Variants in CRADD observed in about 807,000 individuals in gnomAD.
CRADD encodes death domain-containing protein CRADD.
Under a neutral mutation model 15.5 loss-of-function variants are expected in CRADD, and 9 were observed. The observed-to-expected ratio is 0.58, with a 90% confidence interval of 0.35 to 1.01. The LOEUF is 1.01. CRADD is among the 50% of genes least tolerant of loss of function. The pLI is 0.02. For missense variants in CRADD, 227 were observed against 250.3 expected (o/e 0.91, Z 0.63); for synonymous variants, 118 against 107.6 (o/e 1.10, Z -0.60).
intron 2 of CRADD, among the ~76,000 whole-genome samples, chr12:93,886,408 G>A (rs962745875): frequency 2.6e-5 from 4 of 152,060 alleles, no homozygotes; most frequent in African/African-American, 9.7e-5. Context: ...CGATCTGTCC[G>A]CCTTGGCCTG....
intron 2 of CRADD, among the ~76,000 whole-genome samples, chr12:93,818,582 A>G (rs1957735110): frequency 6.6e-6 from 1 of 152,144 alleles, no homozygotes; most frequent in African/African-American, 2.4e-5. Context: ...GGAGTGATAG[A>G]GGCCAGTTGG....
In CRADD at chr12:93,850,100, G is replaced by A. The variant is rs200632197; in HGVS notation, c.429G>A (p.Thr143=). The change falls in exon 3 of 3, where the codon ACG becomes ACA. Residue 143 remains threonine, a synonymous_variant. Transcript: ENST00000332896. The surrounding 1 kb of genome is among the most constrained non-coding windows in gnomAD (Gnocchi z 4.0). The part of the protein sequence containing the change: ...PMVLSLGLSQ[T]DIYRCKANHP... Reference sequence around the variant, plus strand: ...TGCTGTCTCTGGGACTGTCCCAGACGGATATCTACCGCTGTAAGGCCAACC... The same window carrying A: ...TGCTGTCTCTGGGACTGTCCCAGACAGATATCTACCGCTGTAAGGCCAACC... 77 of 1,613,860 alleles carry A rather than the reference G, an allele frequency of 4.8e-5. No homozygotes were observed. The Admixed American group carries it at 6.7e-4, about 14-fold the overall frequency.
Position 93,850,341 on chromosome 12 carries a change from A to G in CRADD, c.*70A>G. ...GGGCTGAATCCTGACTTTCACTCAGAGCAGGTGGTTTTTTGTGTAGGTTTG... is the reference window on the plus strand; with the variant it reads ...GGGCTGAATCCTGACTTTCACTCAGGGCAGGTGGTTTTTTGTGTAGGTTTG... On this transcript the variant is annotated 3_prime_UTR_variant, in exon 3 of 3. Transcript: ENST00000332896. This position sits in a 1 kb window ranked among gnomAD's most constrained non-coding sequence, Gnocchi z 4.0. 4 of 1,502,304 alleles carry G rather than the reference A, an allele frequency of 2.7e-6. No individual in the cohort carries two copies. Among genetic ancestry groups the G allele is most frequent in the Non-Finnish European group, 3.5e-6 (4 of 1,130,746 alleles). 93.1% of individuals were successfully genotyped at this position (1,502,304 alleles called of 1,614,324 possible).
chr12:93,807,083 A>G (rs1957547945), intron 2 of CRADD, among the ~76,000 whole-genome samples: 1 of 152,140 alleles, frequency 6.6e-6, no homozygotes, highest in Non-Finnish European at 1.5e-5. Context: ...TTAAGATTTG[A>G]GATATGAGTG....
intron 2 of CRADD, among the ~76,000 whole-genome samples, chr12:93,819,469 A>G (rs979487042): frequency 1.3e-5 from 2 of 152,258 alleles, no homozygotes; most frequent in Non-Finnish European, 2.9e-5. Flanking sequence ...ATGACTCAGA[A>G]GCCAGATTAC....
intron 2 of CRADD, among the ~76,000 whole-genome samples, chr12:93,713,423 G>T (rs537053322): frequency 6.6e-6 from 1 of 152,142 alleles, no homozygotes; most frequent in African/African-American, 2.4e-5. Flanking sequence ...AGTGTCCGAG[G>T]GGTATTGGTT....
chr12:93,794,662 T>C (rs991475998), intron 2 of CRADD, among the ~76,000 whole-genome samples: 1 of 152,196 alleles, frequency 6.6e-6, no homozygotes, highest in African/African-American at 2.4e-5. Context: ...TGTTTGCCCC[T>C]GGCAGTCCAT....
chr12:93,752,731 G>A (rs1956841662), intron 2 of CRADD, among the ~76,000 whole-genome samples: 1 of 152,186 alleles, frequency 6.6e-6, no homozygotes, highest in South Asian at 2.1e-4. Context: ...CATGGCAGGG[G>A]GGGCCTCATA....
At chr12:93,894,493 C>T (rs147971792) in exon 3 of CRADD, 13 of 215,536 alleles carry the variant, frequency 6.0e-5, no homozygotes, top group Non-Finnish European at 1.0e-4. Context: ...GGCTTGGCCT[C>T]TCTCCTGTGG....
At chr12:93,821,263 G>A (rs938091263) in intron 2 of CRADD, among the ~76,000 whole-genome samples, 8 of 152,168 alleles carry the variant, frequency 5.3e-5, no homozygotes, top group African/African-American at 1.9e-4. Flanking sequence ...TCCCCAGCCC[G>A]CATAGCTCTG....
chr12:93,791,378 A>G (rs1373849742), intron 2 of CRADD, among the ~76,000 whole-genome samples: 2 of 152,184 alleles, frequency 1.3e-5, no homozygotes, highest in East Asian at 1.9e-4. Flanking sequence ...TTGAGACAAC[A>G]TGGGCAAACC....
At chr12:93,775,888 A>G (rs1957135810) in intron 2 of CRADD, among the ~76,000 whole-genome samples, 1 of 152,192 alleles carries the variant, frequency 6.6e-6, no homozygotes, top group Non-Finnish European at 1.5e-5. Flanking sequence ...TCTAGGACGT[A>G]TTTGTATTAT....
At chr12:93,716,512 T>C (rs1427080202) in intron 2 of CRADD, among the ~76,000 whole-genome samples, 2 of 152,194 alleles carry the variant, frequency 1.3e-5, no homozygotes, top group Admixed American at 1.3e-4. Flanking sequence ...GCCCTAAAAA[T>C]TCTCTGTGCT....
intron 2 of CRADD, among the ~76,000 whole-genome samples, chr12:93,814,319 G>A (rs1379137310): frequency 1.3e-5 from 2 of 152,100 alleles, no homozygotes; most frequent in African/African-American, 4.8e-5. Flanking sequence ...TTTTTTGTGG[G>A]GGCGGGGGAG....
chr12:93,739,479 A>G (rs1338170320), intron 2 of CRADD, among the ~76,000 whole-genome samples: 2 of 151,678 alleles, frequency 1.3e-5, no homozygotes, highest in Non-Finnish European at 2.9e-5. Context: ...ATTTATTGGC[A>G]TTAGAGGAGT....
chr12:93,738,599 C>A, intron 2 of CRADD: 1 of 606,214 alleles, frequency 1.6e-6, no homozygotes, highest in African/African-American at 1.9e-5. Context: ...GCACCACACG[C>A]CAGCCCTTAA....
intron 2 of CRADD, among the ~76,000 whole-genome samples, chr12:93,787,092 A>AT (rs1957285921): frequency 6.7e-6 from 1 of 149,234 alleles, no homozygotes; most frequent in Non-Finnish European, 1.5e-5. Flanking sequence ...TCTCTTTGGA[A>AT]TTTACTTTTA....
chr12:93,700,674 C>T (rs749666011), intron 2 of CRADD, among the ~76,000 whole-genome samples: 6 of 152,174 alleles, frequency 3.9e-5, no homozygotes, highest in Non-Finnish European at 7.3e-5. Flanking sequence ...TCGTGATCTG[C>T]CCGCCTTGGT....
Position 93,824,252 on chromosome 12 carries a change from A to G in CRADD, c.299-25718A>G, listed in dbSNP as rs149475929. Reference sequence around the variant, plus strand: ...TCTCAGCATACTTTCCAATGCTTCCAGTAATGGATTGTGCAAAACACAAAG... The same window carrying G: ...TCTCAGCATACTTTCCAATGCTTCCGGTAATGGATTGTGCAAAACACAAAG... On this transcript the variant is annotated intron_variant, in intron 2 of 2. Transcript: ENST00000332896. The surrounding 1 kb of genome is among the most constrained non-coding windows in gnomAD (Gnocchi z 4.3). Among the ~76,000 whole-genome samples the G allele has an allele frequency of 1.9e-3, 282 of 152,292 alleles. 1 individual carries two copies. Among genetic ancestry groups the G allele is most frequent in the African/African-American group, 6.4e-3 (268 of 41,554 alleles).
Sources: gnomAD v4.1 joint callset for allele counts (sites outside exome capture counted in the v4.1 genomes callset) on GRCh38, gnomAD v4.1.1 for gene constraint, Gnocchi (gnomAD v3.1) non-coding constraint, MANE v1.5 for transcripts, NCBI Gene and HGNC (gene_info 2026-07-23, HGNC 2026-07-21) for gene names.